The following LRRFIP1 variants were observed in gnomAD, a reference collection of about 807,000 sequenced individuals.
The protein encoded by LRRFIP1 is LRR binding FLII interacting protein 1.
Under a neutral mutation model 104.4 loss-of-function variants are expected in LRRFIP1, and 62 were observed. That is an observed-to-expected ratio of 0.59 (90% CI 0.48 to 0.73). LRRFIP1 has a LOEUF of 0.73. LRRFIP1 is among the 30% of genes least tolerant of loss of function. The pLI, the probability that LRRFIP1 is intolerant of heterozygous loss-of-function variation, is 0.00. For synonymous variants in LRRFIP1, 300 were observed against 299.0 expected (o/e 1.00, Z -0.03); for missense variants, 796 against 824.5 (o/e 0.97, Z 0.42).
chr2:237,675,513 G>T (rs1287222364), intron 1 of LRRFIP1, among the ~76,000 whole-genome samples: 1 of 152,194 alleles, frequency 6.6e-6, no homozygotes, highest in Non-Finnish European at 1.5e-5. Context: ...AAAACAGAGA[G>T]CTGAGAGCAG....
chr2:237,759,158 A>T (rs963384978), intron 18 of LRRFIP1, among the ~76,000 whole-genome samples: 1 of 151,888 alleles, frequency 6.6e-6, no homozygotes, highest in Non-Finnish European at 1.5e-5. Flanking sequence ...TTATATTAAA[A>T]CCCCCAATTT....
intron 6 of LRRFIP1, among the ~76,000 whole-genome samples, chr2:237,723,191 G>T (rs1361846684): frequency 6.6e-6 from 1 of 152,138 alleles, no homozygotes; most frequent in African/African-American, 2.4e-5. Context: ...GGAAAATCTA[G>T]ATTTTTAATT....
rs1003917269 is a variant in LRRFIP1, at chr2:237,720,977, G to A, written c.345+155G>A. On this transcript the variant is annotated intron_variant, in intron 6 of 23. Transcript: ENST00000308482. ...TGCTTACTTAAAATCAAATCAATGGGGGATGTTTCTTTGTTGCTGTAGAGA... is the reference window on the plus strand; with the variant it reads ...TGCTTACTTAAAATCAAATCAATGGAGGATGTTTCTTTGTTGCTGTAGAGA... 6 of 657,010 alleles carry A rather than the reference G, an allele frequency of 9.1e-6. No individual in the cohort carries two copies. In the East Asian group the frequency reaches 1.3e-4, roughly 15 times the overall value. 40.7% of individuals were successfully genotyped at this position (657,010 alleles called of 1,614,324 possible).
chr2:237,657,219 G>A (rs897650002), intron 1 of LRRFIP1, among the ~76,000 whole-genome samples: 6 of 152,154 alleles, frequency 3.9e-5, no homozygotes, highest in African/African-American at 1.4e-4. Flanking sequence ...GGAAACAGGA[G>A]CAAAATGAAA....
chr2:237,733,771 C>T lies in LRRFIP1; in HGVS notation c.445-3C>T. 6.2e-7 allele frequency: 1 copy of T among 1,614,010 alleles called. No homozygotes were observed. Among genetic ancestry groups the T allele is most frequent in the East Asian group, 2.2e-5 (1 of 44,878 alleles). On this transcript the variant is annotated splice_polypyrimidine_tract_variant and splice_region_variant and intron_variant, in intron 8 of 23. Coordinates refer to ENST00000308482, the MANE Select transcript of LRRFIP1 (RefSeq NM_001137550.2). ...AAACCTGCCATTTGCTTTCATCCTC[C>T]AGCCCTCCTGTCTGTACAGCGCTGC... is the stretch of plus-strand genomic sequence containing the variant.
At chr2:237,769,578 T>TTG in intron 19 of LRRFIP1, 1 of 224,882 alleles carries the variant, frequency 4.4e-6, no homozygotes, top group Non-Finnish European at 8.9e-6. Flanking sequence ...TGCTATTGAA[T>TTG]TGTGATTCTC....
At chr2:237,758,857 A>C (rs200030499) in intron 18 of LRRFIP1, 36 bp downstream of exon 18, 1 of 1,456,544 alleles carries the variant, frequency 6.9e-7, no homozygotes, top group Non-Finnish European at 9.2e-7. Flanking sequence ...TTAAAAAAAA[A>C]GAAAAAAAAT....
rs199735607 is a variant in LRRFIP1 at position 237,758,848 on chromosome 2, T to TA, written c.1317+36dup. 7,355 of 1,478,588 alleles carry TA rather than the reference T, an allele frequency of 5.0e-3. 18 individuals carry two copies. The highest frequency in any genetic ancestry group is 6.0e-3 in the Non-Finnish European group (6,577 of 1,102,308). The allele number at this position is 1,478,588 out of a possible 1,614,324, so 91.6% of individuals were successfully genotyped here. ...TATGAAGCCAAACTACAGTTTTATT[T>TA]AAAAAAAAAGAAAAAAAATCCAGGT... is the stretch of plus-strand genomic sequence containing the variant. On this transcript the variant is annotated intron_variant, in intron 18 of 23. Transcript: ENST00000308482.
chr2:237,628,558 C>A (rs2081921847), intron 1 of LRRFIP1, among the ~76,000 whole-genome samples: 1 of 152,174 alleles, frequency 6.6e-6, no homozygotes, highest in African/African-American at 2.4e-5. Context: ...GTTGCGGCCC[C>A]AGGGGGACAA....
intron 1 of LRRFIP1, among the ~76,000 whole-genome samples, chr2:237,683,073 C>A (rs988101036): frequency 1.3e-5 from 2 of 152,230 alleles, no homozygotes; most frequent in Admixed American, 1.3e-4. Context: ...TCCTGCAATG[C>A]ACAGGACAGC....
At chr2:237,699,346 C>CTTTTTTTTTT (rs575247425) in intron 1 of LRRFIP1, among the ~76,000 whole-genome samples, 1 of 138,898 alleles carries the variant, frequency 7.2e-6, no homozygotes. Flanking sequence ...TTTTTCTTTT[C>CTTTTTTTTTT]TTTTTTTTTT....
At chr2:237,749,462 C>T (rs780986411) in intron 13 of LRRFIP1, 138 bp downstream of exon 13, 15 of 1,012,346 alleles carry the variant, frequency 1.5e-5, no homozygotes, top group African/African-American at 1.6e-5. Flanking sequence ...CCCTAAAATA[C>T]GGTGTTCTCC....
Position 237,719,519 on chromosome 2 carries a change from T to G in LRRFIP1, c.250-4T>G. ...ACCTTTTCATGCTGTTTCTTCATTG[T>G]TAGGAAGACAGTGAGCGCTACTCTC... On this transcript the variant is annotated splice_polypyrimidine_tract_variant and splice_region_variant and intron_variant, in intron 4 of 23. Coordinates refer to ENST00000308482, the MANE Select transcript of LRRFIP1 (RefSeq NM_001137550.2). The G allele has an allele frequency of 3.1e-6, 5 of 1,612,558 alleles. No homozygotes were observed. The highest frequency in any genetic ancestry group is 4.2e-6 in the Non-Finnish European group (5 of 1,178,728).
chr2:237,638,722 G>A (rs1429798878), intron 1 of LRRFIP1, among the ~76,000 whole-genome samples: 1 of 152,232 alleles, frequency 6.6e-6, no homozygotes, highest in Non-Finnish European at 1.5e-5. Flanking sequence ...AAGGTAAATA[G>A]CCATGGAAGT....
At chr2:237,722,336 G>A (rs566201654) in intron 6 of LRRFIP1, among the ~76,000 whole-genome samples, 1 of 152,228 alleles carries the variant, frequency 6.6e-6, no homozygotes, top group South Asian at 2.1e-4. Context: ...TGTAAGATGT[G>A]TGCACTTACA....
intron 18 of LRRFIP1, among the ~76,000 whole-genome samples, chr2:237,759,519 A>G (rs2059643769): frequency 6.6e-6 from 1 of 152,234 alleles, no homozygotes; most frequent in African/African-American, 2.4e-5. Context: ...CACAGGCGGC[A>G]GGAGGGCATG....
intron 1 of LRRFIP1, among the ~76,000 whole-genome samples, chr2:237,673,006 C>T (rs1438126048): frequency 6.6e-6 from 1 of 152,160 alleles, no homozygotes; most frequent in Non-Finnish European, 1.5e-5. Flanking sequence ...TCGTTTTAGG[C>T]GAAGAACAGA....
In LRRFIP1 at chr2:237,711,555, G is replaced by A. The variant is rs138994098; in HGVS notation, c.184-2704G>A. 6.6e-6 allele frequency among the ~76,000 whole-genome samples: 1 copy of A among 152,304 alleles called. No homozygotes were observed. Among genetic ancestry groups the A allele is most frequent in the African/African-American group, 2.4e-5 (1 of 41,564 alleles). On this transcript the variant is annotated intron_variant, in intron 2 of 23. Transcript: ENST00000308482. The surrounding 1 kb of genome is among the most constrained non-coding windows in gnomAD (Gnocchi z 4.4). ...CTGCAGTCTCGGCTTCCTCATCACC[G>A]ATGCCTGCACTTCTTCCCTCACGAC...
chr2:237,666,505 G>C (rs2089274555), intron 1 of LRRFIP1, among the ~76,000 whole-genome samples: 1 of 152,198 alleles, frequency 6.6e-6, no homozygotes, highest in South Asian at 2.1e-4. Context: ...TTGCTTCCCA[G>C]AGGTACCAAC....
Sources: gnomAD v4.1 joint callset for allele counts (sites outside exome capture counted in the v4.1 genomes callset) on GRCh38, gnomAD v4.1.1 for gene constraint, Gnocchi (gnomAD v3.1) non-coding constraint, MANE v1.5 for transcripts, NCBI Gene and HGNC (gene_info 2026-07-23, HGNC 2026-07-21) for gene names.